The following MYBL2 variants were observed in gnomAD, a reference collection of about 807,000 sequenced individuals.
The protein encoded by MYBL2 is MYB proto-oncogene like 2.
In MYBL2, 28 loss-of-function variants were observed where a neutral mutation model predicts 79.9. The observed-to-expected ratio is 0.35, with a 90% CI of 0.26 to 0.48. The LOEUF is 0.48. MYBL2 is among the 20% of genes least tolerant of loss of function. The probability of loss-of-function intolerance (pLI) is 0.99; values close to 1 mark genes in which losing one functional copy is unlikely to be tolerated. For missense variants in MYBL2, 735 were observed against 893.9 expected, an observed-to-expected ratio of 0.82 and a Z score of 2.27; for synonymous variants, 378 against 361.2, an observed-to-expected ratio of 1.05 and a Z score of -0.53.
At chr20:43,668,740 T>A (rs1012190628) in intron 1 of MYBL2, among the ~76,000 whole-genome samples, 2 of 143,656 alleles carry the variant, frequency 1.4e-5, no homozygotes, top group African/African-American at 2.6e-5. Context: ...CAGGCCGGAG[T>A]GCTGTGGTGC....
chr20:43,685,050 G>A (rs1436443866), intron 4 of MYBL2, among the ~76,000 whole-genome samples: 1 of 151,326 alleles, frequency 6.6e-6, no homozygotes, highest in Admixed American at 6.6e-5. Flanking sequence ...GGGAGGCTGA[G>A]GCAGGAGAAT....
At chr20:43,681,997 G>T in intron 3 of MYBL2, 142 bp downstream of exon 3, 1 of 797,646 alleles carries the variant, frequency 1.3e-6, no homozygotes, top group Admixed American at 2.3e-5. Flanking sequence ...CAGGGCAAAT[G>T]GACCTTTGTA....
intron 6 of MYBL2, among the ~76,000 whole-genome samples, chr20:43,697,990 T>C (rs1987584383): frequency 6.6e-6 from 1 of 151,484 alleles, no homozygotes; most frequent in Non-Finnish European, 1.5e-5. Flanking sequence ...GGTTTTCATT[T>C]CTTTTACTAT....
intron 10 of MYBL2, among the ~76,000 whole-genome samples, chr20:43,710,605 A>T (rs1215883556): frequency 6.6e-6 from 1 of 152,192 alleles, no homozygotes; most frequent in African/African-American, 2.4e-5. Context: ...GTGTTTTAGA[A>T]ATCAGTGGAG....
intron 10 of MYBL2, among the ~76,000 whole-genome samples, chr20:43,710,955 A>T (rs1031717541): frequency 3.3e-5 from 5 of 152,084 alleles, no homozygotes; most frequent in South Asian, 2.1e-4. Context: ...GGCTTTTCGG[A>T]TGACTTATGA....
chr20:43,673,720 G>T, intron 1 of MYBL2, 86 bp from the exon 2 acceptor site: 1 of 1,282,006 alleles, frequency 7.8e-7, no homozygotes, highest in Non-Finnish European at 1.1e-6. Flanking sequence ...CTTTCCCTAG[G>T]GTGGGCTGGC....
At chr20:43,713,202 G>C (rs1012428858) in intron 12 of MYBL2, 96 bp downstream of exon 12, 5 of 959,130 alleles carry the variant, frequency 5.2e-6, no homozygotes, top group African/African-American at 3.3e-5. Flanking sequence ...TGGAACCCTG[G>C]GCTCTGCAGG....
chr20:43,703,249 CA>C (rs34672641), intron 8 of MYBL2, among the ~76,000 whole-genome samples: 6,288 of 152,202 alleles, frequency 0.041, 145 homozygotes, highest in Middle Eastern at 0.099. Context: ...CACTGGGGAG[CA>C]AAGATGAAGA....
At chr20:43,705,766 T>A (rs545685029) in intron 9 of MYBL2, among the ~76,000 whole-genome samples, 2 of 152,052 alleles carry the variant, frequency 1.3e-5, no homozygotes, top group African/African-American at 2.4e-5. Flanking sequence ...AATGGCGCGA[T>A]CTTGGCTCAC....
intron 5 of MYBL2, among the ~76,000 whole-genome samples, chr20:43,688,657 A>AT (rs1322426267): frequency 1.3e-5 from 2 of 151,624 alleles, no homozygotes; most frequent in Non-Finnish European, 2.9e-5. Flanking sequence ...TAGTTTTAAA[A>AT]TTTTTTGTAG....
intron 2 of MYBL2, among the ~76,000 whole-genome samples, chr20:43,676,597 T>C (rs1264847061): frequency 6.6e-6 from 1 of 152,266 alleles, no homozygotes; most frequent in Non-Finnish European, 1.5e-5. Context: ...TTGCAGTTTT[T>C]GGCTATCGTG....
Position 43,667,283 on chromosome 20 carries a change from G to C in MYBL2, c.-1G>C, listed in dbSNP as rs1986738788. ...AGCGCGGCGCGGTCCGGGCCGGGGG[G>C]ATGTCTCGGCGGACGCGCTGGTGAG... On this transcript the variant is annotated 5_prime_UTR_variant, in exon 1 of 14. Coordinates refer to ENST00000217026, the MANE Select transcript of MYBL2 (RefSeq NM_002466.4). The C allele has an allele frequency of 2.4e-6, 3 of 1,227,692 alleles. No individual in the cohort carries two copies. The highest frequency in any genetic ancestry group is 4.1e-5 in the South Asian group (1 of 24,288). The allele number at this position is 1,227,692 out of a possible 1,614,324, so 76.0% of individuals were successfully genotyped here.
At chr20:43,715,541 C>G (rs1414545845) in intron 13 of MYBL2, among the ~76,000 whole-genome samples, 2 of 152,216 alleles carry the variant, frequency 1.3e-5, no homozygotes, top group Non-Finnish European at 2.9e-5. Context: ...GAGATACCCC[C>G]ATTCTGCCAT....
intron 9 of MYBL2, among the ~76,000 whole-genome samples, chr20:43,708,034 AT>A (rs1987829111): frequency 6.6e-6 from 1 of 152,084 alleles, no homozygotes; most frequent in Non-Finnish European, 1.5e-5. Flanking sequence ...GAATTCTCTG[AT>A]TTACAGAGCT....
At chr20:43,703,882 T>C (rs150464928) in intron 8 of MYBL2, among the ~76,000 whole-genome samples, 65 of 152,300 alleles carry the variant, frequency 4.3e-4, no homozygotes, top group East Asian at 3.1e-3. Flanking sequence ...TCTCCTTGGC[T>C]TGTAGATGCT....
At chr20:43,670,514 A>T (rs1212154894) in intron 1 of MYBL2, among the ~76,000 whole-genome samples, 1 of 152,162 alleles carries the variant, frequency 6.6e-6, no homozygotes, top group Non-Finnish European at 1.5e-5. Flanking sequence ...GCAGCTTTGC[A>T]CATTTTTTCA....
chr20:43,671,903 C>T (rs1190334440), intron 1 of MYBL2, among the ~76,000 whole-genome samples: 6 of 150,968 alleles, frequency 4.0e-5, no homozygotes, highest in Non-Finnish European at 7.4e-5. Flanking sequence ...TCCCCTACAG[C>T]GGCGTTAGAA....
intron 5 of MYBL2, among the ~76,000 whole-genome samples, chr20:43,687,862 A>G (rs899665715): frequency 3.9e-5 from 6 of 152,014 alleles, no homozygotes; most frequent in Non-Finnish European, 7.4e-5. Context: ...CTAAAAATAC[A>G]AAAAATTAGC....
At chr20:43,672,455 AAAC>A (rs1986890110) in intron 1 of MYBL2, among the ~76,000 whole-genome samples, 2 of 152,132 alleles carry the variant, frequency 1.3e-5, no homozygotes, top group Admixed American at 6.5e-5. Context: ...ACACACGAAA[AAAC>A]AACTTGGCCA....
Sources: gnomAD v4.1 joint callset for allele counts (sites outside exome capture counted in the v4.1 genomes callset) on GRCh38, gnomAD v4.1.1 for gene constraint, MANE v1.5 for transcripts, NCBI Gene and HGNC (gene_info 2026-07-23, HGNC 2026-07-21) for gene names.